The following SAXO5 variants were observed in gnomAD, a reference collection of about 807,000 sequenced individuals.
SAXO5 encodes the protein stabilizer of axonemal microtubules 5.
At chr19:7,504,090 C>CTCTCTCTCTCTG in the SAXO5 span, 1 of 1,498,322 alleles carries the variant, frequency 6.7e-7, no homozygotes, top group Non-Finnish European at 9.3e-7. Context: ...ATCTCTCTCT[C>CTCTCTCTCTCTG]TCTCCCCCCA....
At chr19:7,506,714 G>A in the SAXO5 span, 1 of 359,872 alleles carries the variant, frequency 2.8e-6, no homozygotes, top group South Asian at 2.5e-5. Context: ...CCTTTCTCTG[G>A]CTCCTTCCTT....
chr19:7,505,322 A>G, the SAXO5 span: 4 of 1,613,392 alleles, frequency 2.5e-6, no homozygotes, highest in African/African-American at 2.7e-5. Flanking sequence ...CACTACGTAC[A>G]GGTATGACAA....
chr19:7,501,587 G>C, the SAXO5 span, among the ~76,000 whole-genome samples: 1 of 151,480 alleles, frequency 6.6e-6, no homozygotes, highest in Non-Finnish European at 1.5e-5. Flanking sequence ...TTTGGGAGTT[G>C]GAGGCGGGGG....
chr19:7,507,449 G>A, the SAXO5 span, among the ~76,000 whole-genome samples: 19 of 152,092 alleles, frequency 1.2e-4, no homozygotes, highest in Non-Finnish European at 1.9e-4. Flanking sequence ...CAGGCATGGT[G>A]GCGCATGCCT....
At chr19:7,508,220 C>T in the SAXO5 span, 15 of 1,613,766 alleles carry the variant, frequency 9.3e-6, no homozygotes, top group Admixed American at 3.3e-5. Context: ...AGTACAGCCA[C>T]ATGGAGCCCC....
chr19:7,500,767 TGGGCACTTGC>T, the SAXO5 span: 1 of 1,372,258 alleles, frequency 7.3e-7, no homozygotes, highest in Non-Finnish European at 9.5e-7. Context: ...AGTGCCCCAA[TGGGCACTTGC>T]TCAGTCCCTC....
the SAXO5 span, chr19:7,504,255 G>A: frequency 8.7e-6 from 14 of 1,613,558 alleles, no homozygotes; most frequent in Admixed American, 6.7e-5. Context: ...GGCTGCAGGC[G>A]GGGGCAGAAT....
chr19:7,505,950 A>T, the SAXO5 span: 5 of 1,556,624 alleles, frequency 3.2e-6, no homozygotes, highest in Middle Eastern at 1.7e-4. Flanking sequence ...TTCAAATGCC[A>T]TGTGGTCCTA....
the SAXO5 span, among the ~76,000 whole-genome samples, chr19:7,498,257 C>A: frequency 6.6e-6 from 1 of 151,218 alleles, no homozygotes; most frequent in African/African-American, 2.4e-5. Context: ...GTCACCCAGG[C>A]TGGAGTGCGG....
At chr19:7,498,419 A>G in the SAXO5 span, among the ~76,000 whole-genome samples, 1 of 127,738 alleles carries the variant, frequency 7.8e-6, no homozygotes, top group Admixed American at 8.5e-5. Flanking sequence ...TTTTTGAGAC[A>G]GAGTTTCGCT....
chr19:7,507,168 A>G, the SAXO5 span: 1 of 1,573,000 alleles, frequency 6.4e-7, no homozygotes, highest in South Asian at 1.1e-5. Flanking sequence ...GGAGCCACCC[A>G]TCATTAGGCA....
chr19:7,505,983 C>T, the SAXO5 span: 1 of 1,588,590 alleles, frequency 6.3e-7, no homozygotes, highest in South Asian at 1.1e-5. Context: ...CCGACCCAGC[C>T]ACCCAGCCGC....
the SAXO5 span, chr19:7,506,805 A>G: frequency 1.8e-5 from 2 of 113,842 alleles, no homozygotes; most frequent in South Asian, 8.7e-5. Context: ...CTCCTCCCCC[A>G]CCTCCTCCCT....
At chr19:7,497,643 A>C in the SAXO5 span, 2 of 152,236 alleles carry the variant, frequency 1.3e-5, no homozygotes, top group Admixed American at 1.3e-4. Context: ...TAGCTAAGTG[A>C]ATTTTCTAAA....
the SAXO5 span, among the ~76,000 whole-genome samples, chr19:7,498,399 T>C: frequency 0.023 from 3,282 of 139,982 alleles, 101 homozygotes; most frequent in East Asian, 0.13. Context: ...TTTTCTTTTT[T>C]TTTTTTTTTT....
chr19:7,501,026 A>G, the SAXO5 span: 2,916 of 1,524,618 alleles, frequency 1.9e-3, 76 homozygotes, highest in East Asian at 0.061. Context: ...TGCTTTTCCC[A>G]ATGGACCCGC....
the SAXO5 span, chr19:7,506,706 T>C: frequency 2.8e-6 from 1 of 357,320 alleles, no homozygotes; most frequent in South Asian, 2.4e-5. Context: ...CTCCTCCCCC[T>C]TTCTCTGGCT....
At chr19:7,505,839 A>T in the SAXO5 span, 1 of 1,046,244 alleles carries the variant, frequency 9.6e-7, no homozygotes, top group Non-Finnish European at 1.4e-6. Context: ...TCCCAGTGCT[A>T]CCAGGTGGGG....
the SAXO5 span, among the ~76,000 whole-genome samples, chr19:7,502,220 C>T: frequency 1.3e-5 from 2 of 152,152 alleles, no homozygotes; most frequent in Non-Finnish European, 2.9e-5. Flanking sequence ...ATCCTCCCAC[C>T]TCAGCCTCCC....
Sources: allele counts gnomAD v4.1 joint callset (sites outside exome capture counted in the v4.1 genomes callset), GRCh38; gene constraint gnomAD v4.1.1; transcripts MANE v1.5; gene names NCBI Gene and HGNC (gene_info 2026-07-23, HGNC 2026-07-21).